RPF1: variants seen among roughly 807,000 people sequenced by gnomAD.
RPF1 encodes the protein ribosome production factor 1.
Under a neutral mutation model 41.9 loss-of-function variants are expected in RPF1, and 34 were observed. The ratio of observed to expected loss-of-function variants is 0.81; its 90% CI spans 0.62 to 1.08. RPF1 has a LOEUF of 1.08. RPF1 is among the 50% of genes least tolerant of loss of function. RPF1 has a pLI of 0.00. For missense variants in RPF1, 425 were observed against 435.2 expected, an observed-to-expected ratio of 0.98 and a Z score of 0.21; for synonymous variants, 140 against 148.9, an observed-to-expected ratio of 0.94 and a Z score of 0.43.
Position 84,490,490 on chromosome 1 carries a change from A to G in RPF1, c.616+18A>G. On this transcript the variant is annotated intron_variant, in intron 5 of 8. Transcript: ENST00000370654. Reference sequence around the variant, plus strand: ...AACCCCAAGTATCCTTTTTTTTTTTAAGGAGGTTTTCCTGTCCTCTCCCTC... The same window carrying G: ...AACCCCAAGTATCCTTTTTTTTTTTGAGGAGGTTTTCCTGTCCTCTCCCTC... 2 of 1,467,604 alleles carry G rather than the reference A, an allele frequency of 1.4e-6. No individual in the cohort carries two copies. The highest frequency in any genetic ancestry group is 1.8e-6 in the Non-Finnish European group (2 of 1,091,240). 90.9% of individuals were successfully genotyped at this position (1,467,604 alleles called of 1,614,324 possible). A position where few individuals can be genotyped will look rare whatever the true frequency, so the allele number is the denominator to read the frequency against.
chr1:84,495,505 A>T, intron 6 of RPF1, 50 bp downstream of exon 6: 1 of 801,576 alleles, frequency 1.2e-6, no homozygotes, highest in Non-Finnish European at 2.1e-6. Context: ...CACAATATTT[A>T]TTTGATCAAT....
intron 5 of RPF1, among the ~76,000 whole-genome samples, chr1:84,493,465 C>T (rs1366268590): frequency 6.6e-6 from 1 of 151,710 alleles, no homozygotes; most frequent in Non-Finnish European, 1.5e-5. Flanking sequence ...GGCATGATGC[C>T]TGTAGTCCCA....
At position 84,480,786 on chromosome 1, in the gene RPF1, G is replaced by T. The variant is rs11163978; in HGVS notation, c.229-170G>T. Among the ~76,000 whole-genome samples the T allele has an allele frequency of 0.035, 5,279 of 152,206 alleles. 127 individuals carry two copies. The highest frequency in any genetic ancestry group is 0.053 in the African/African-American group (2,218 of 41,526). Reference sequence around the variant, plus strand: ...ATCTTATTGATTGGCCAGCTCATTTGGCTTACAGTAATTTAGGTAGAAAAC... The same window carrying T: ...ATCTTATTGATTGGCCAGCTCATTTTGCTTACAGTAATTTAGGTAGAAAAC... On this transcript the variant is annotated intron_variant, in intron 1 of 8. Transcript: ENST00000370654.
chr1:84,483,513 C>T (rs146681136), intron 3 of RPF1, among the ~76,000 whole-genome samples: 3 of 152,226 alleles, frequency 2.0e-5, no homozygotes, highest in African/African-American at 4.8e-5. Context: ...GTGATCCGCC[C>T]GCTTTGGCCT....
In RPF1 at chr1:84,479,472, A is replaced by T; in HGVS notation, c.191A>T (p.His64Leu). The change falls in exon 1 of 9, where the codon CAC becomes CTC. Residue 64 changes from histidine to leucine, a missense_variant. Physicochemically the swap from His to Leu is moderately conservative, Grantham distance 99. Transcript: ENST00000370654. Reference protein sequence around the residue: ...ISEIKNKQRRHLMFTRWKQQQ... With the variant: ...ISEIKNKQRRLLMFTRWKQQQ... ...GAGATTAAAAACAAACAGCGGCGAC[A>T]CTTAATGTTCACGCGGTGGAAACAG... is the stretch of plus-strand genomic sequence containing the variant. 6.2e-7 allele frequency: 1 copy of T among 1,614,240 alleles called. No homozygotes were observed. Among genetic ancestry groups the T allele is most frequent in the Non-Finnish European group, 8.5e-7 (1 of 1,180,016 alleles).
At chr1:84,495,588 C>G (rs1463838059) in intron 6 of RPF1, 133 bp downstream of exon 6, 1 of 583,172 alleles carries the variant, frequency 1.7e-6, no homozygotes, top group Non-Finnish European at 2.9e-6. Context: ...AGTTTTTAAT[C>G]TATCAATTCT....
intron 3 of RPF1, among the ~76,000 whole-genome samples, chr1:84,485,016 T>C (rs1262337708): frequency 1.3e-5 from 2 of 152,212 alleles, no homozygotes; most frequent in Non-Finnish European, 2.9e-5. Flanking sequence ...ATATTTGTGA[T>C]AGATAATGAG....
At chr1:84,495,789 T>A (rs959447702) in intron 6 of RPF1, 93 bp from the exon 7 acceptor site, 2 of 816,790 alleles carry the variant, frequency 2.4e-6, no homozygotes, top group Non-Finnish European at 3.8e-6. Flanking sequence ...TTTTGCAAAT[T>A]TGTCATGTAA....
At chr1:84,494,301 G>A (rs1681890700) in intron 5 of RPF1, among the ~76,000 whole-genome samples, 1 of 152,170 alleles carries the variant, frequency 6.6e-6, no homozygotes, top group African/African-American at 2.4e-5. Context: ...TGGTGGGAGA[G>A]GGAGAAGCTG....
rs774012681 is a variant in RPF1, at chr1:84,496,034, A to G, written c.852A>G (p.Gln284=). 8.1e-6 allele frequency: 13 copies of G among 1,611,786 alleles called. No individual in the cohort carries two copies. Among genetic ancestry groups the G allele is most frequent in the Middle Eastern group, 1.6e-4 (1 of 6,078 alleles). The part of the protein sequence containing the change: ...IGRQVATFHN[Q]RDYIFFRFHR... ...GGCAGGTTGCCACATTCCACAATCA[A>G]CGGGATTACATATTCTTCAGATTTC... The change falls in exon 7 of 9, where the codon CAA becomes CAG. Residue 284 remains glutamine, a synonymous_variant. Coordinates refer to ENST00000370654, the MANE Select transcript of RPF1 (RefSeq NM_025065.7).
At chr1:84,482,598 T>C (rs977781341) in intron 2 of RPF1, among the ~76,000 whole-genome samples, 2 of 152,148 alleles carry the variant, frequency 1.3e-5, no homozygotes, top group Non-Finnish European at 2.9e-5. Context: ...ATTTTTCTCC[T>C]GTTTGATGTG....
At chr1:84,485,265 A>C (rs1254352213) in intron 3 of RPF1, among the ~76,000 whole-genome samples, 1 of 151,842 alleles carries the variant, frequency 6.6e-6, no homozygotes, top group Non-Finnish European at 1.5e-5. Context: ...CACCCAGCTA[A>C]TTTTTTGTAT....
In RPF1 at chr1:84,479,355, T is replaced by C. The variant is rs1361924239; in HGVS notation, c.74T>C (p.Leu25Pro). Residue 25 changes from leucine to proline, a missense_variant, in exon 1 of 9, where the codon CTT becomes CCT. Coordinates refer to ENST00000370654, the MANE Select transcript of RPF1 (RefSeq NM_025065.7). Reference sequence around the variant, plus strand: ...AAACGGAAAGCCGCTGCCGAAGAACTTCAGGAGGCTGCAGGCGCTGGGGAT... The same window carrying C: ...AAACGGAAAGCCGCTGCCGAAGAACCTCAGGAGGCTGCAGGCGCTGGGGAT... ...SLKRKAAAEELQEAAGAGDGA... is the reference protein window; with the variant it reads ...SLKRKAAAEEPQEAAGAGDGA... 6.2e-7 allele frequency: 1 copy of C among 1,613,834 alleles called. No homozygotes were observed. Among genetic ancestry groups the C allele is most frequent in the East Asian group, 2.2e-5 (1 of 44,876 alleles).
intron 8 of RPF1, 94 bp downstream of exon 8, chr1:84,496,464 C>T (rs1296047916): frequency 4.5e-6 from 5 of 1,120,170 alleles, no homozygotes; most frequent in Non-Finnish European, 6.4e-6. Flanking sequence ...CTAATGGATG[C>T]TGGGCTTAAT....
intron 6 of RPF1, 117 bp from the exon 7 acceptor site, chr1:84,495,765 C>A: frequency 1.6e-6 from 1 of 631,596 alleles, no homozygotes; most frequent in South Asian, 2.3e-5. Flanking sequence ...GGTAGTTTGT[C>A]ACTAAAAAAT....
At chr1:84,480,643 A>G (rs1298158589) in intron 1 of RPF1, among the ~76,000 whole-genome samples, 3 of 152,328 alleles carry the variant, frequency 2.0e-5, no homozygotes, top group Non-Finnish European at 2.9e-5. Context: ...CACAGTGGAA[A>G]CCATCACATA....
At chr1:84,494,771 ACAGT>A (rs1425943346) in intron 5 of RPF1, among the ~76,000 whole-genome samples, 1 of 152,216 alleles carries the variant, frequency 6.6e-6, no homozygotes, top group Non-Finnish European at 1.5e-5. Context: ...ATGGGAAATG[ACAGT>A]CAGTGAATGG....
chr1:84,486,234 G>A (rs761107609), intron 3 of RPF1, among the ~76,000 whole-genome samples: 30 of 152,086 alleles, frequency 2.0e-4, no homozygotes, highest in Non-Finnish European at 2.6e-4. Context: ...TTTGTTGGCC[G>A]GTATGAGGAC....
At chr1:84,493,294 C>T (rs1183226629) in intron 5 of RPF1, among the ~76,000 whole-genome samples, 3 of 144,442 alleles carry the variant, frequency 2.1e-5, no homozygotes, top group South Asian at 2.2e-4. Flanking sequence ...AGAATTCAAA[C>T]GTTTGCTGAT....
Sources: allele counts gnomAD v4.1 joint callset (sites outside exome capture counted in the v4.1 genomes callset), GRCh38; gene constraint gnomAD v4.1.1; transcripts MANE v1.5; gene names NCBI Gene and HGNC (gene_info 2026-07-23, HGNC 2026-07-21).